The following POLR3D variants were observed in gnomAD, a reference collection of about 807,000 sequenced individuals.
POLR3D encodes DNA-directed RNA polymerase III subunit RPC4.
A neutral mutation model predicts 44.5 loss-of-function variants in POLR3D; 42 were observed. The ratio of observed to expected loss-of-function variants is 0.94; its 90% confidence interval spans 0.74 to 1.22. The LOEUF is 1.22. Among genes scored for constraint, POLR3D ranks in the 50% most tolerant of loss-of-function variants. The pLI, the probability that POLR3D is intolerant of heterozygous loss-of-function variation, is 0.00. For missense variants in POLR3D, 507 were observed against 505.2 expected, an observed-to-expected ratio of 1.00 and a Z score of -0.03; for synonymous variants, 217 against 198.1, an observed-to-expected ratio of 1.10 and a Z score of -0.80.
rs747996844 is a variant in POLR3D at position 22,250,399 on chromosome 8, C to T, written c.1078C>T (p.Leu360=). ...CACTGTCTCTGTTAATTGGCAGGAG[C>T]TGGTGTCCGTGGGCCTTGGAGACAG... The part of the protein sequence containing the change: ...MGTACSFLQE[L]VSVGLGDSRT... The change falls in exon 9 of 9, where the codon CTG becomes TTG. Residue 360 remains leucine (L), a synonymous_variant. Transcript: ENST00000306433. 1 of 1,614,200 alleles carries T rather than the reference C, an allele frequency of 6.2e-7. No homozygotes were observed. The highest frequency in any genetic ancestry group is 8.5e-7 in the Non-Finnish European group (1 of 1,180,032).
rs1433521469 is a variant in POLR3D at position 22,251,771 on chromosome 8, C to T, written c.*1253C>T. 6.6e-6 allele frequency: 1 copy of T among 152,294 alleles called. No individual in the cohort carries two copies. The highest frequency in any genetic ancestry group is 1.5e-5 in the Non-Finnish European group (1 of 68,088). The allele number at this position is 152,294 out of a possible 1,614,324, so 9.4% of individuals were successfully genotyped here. On this transcript the variant is annotated 3_prime_UTR_variant, in exon 9 of 9. Coordinates refer to ENST00000306433, the MANE Select transcript of POLR3D (RefSeq NM_001722.3). ...TTCTCCTCTTGTCTTGACAGTAGGGCTGGGGTTTTCCCTGGTTCAGCTGGG... is the reference window on the plus strand; with the variant it reads ...TTCTCCTCTTGTCTTGACAGTAGGGTTGGGGTTTTCCCTGGTTCAGCTGGG...
At position 22,251,906 on chromosome 8, in the gene POLR3D, G is replaced by A. The variant is rs77552336; in HGVS notation, c.*1388G>A. On this transcript the variant is annotated 3_prime_UTR_variant, in exon 9 of 9. Transcript: ENST00000306433. Reference sequence around the variant, plus strand: ...GTCGTGGCACCTGGCCTCTGGGACAGTATGAACCATAGGGGCTCAGGAAGA... The same window carrying A: ...GTCGTGGCACCTGGCCTCTGGGACAATATGAACCATAGGGGCTCAGGAAGA... 0.059 allele frequency: 8,923 copies of A among 152,514 alleles called. 317 individuals are homozygous for A. The highest frequency in any genetic ancestry group is 0.09 in the Admixed American group (1,369 of 15,278). The allele number at this position is 152,514 out of a possible 1,614,324, so 9.4% of individuals were successfully genotyped here. A position where few individuals can be genotyped will look rare whatever the true frequency, so the allele number is the denominator to read the frequency against.
At position 22,247,248 on chromosome 8, in the gene POLR3D, C is replaced by T; in HGVS notation, c.193C>T (p.Arg65Trp). The change falls in exon 3 of 9, where the codon CGG becomes TGG. Residue 65 changes from arginine to tryptophan, a missense_variant. By Grantham distance (101) the Arg-to-Trp change is moderately radical. Coordinates refer to ENST00000306433, the MANE Select transcript of POLR3D (RefSeq NM_001722.3). ...KKTFTPNIIS[R>W]KIKEEPKEEV... is the part of the protein sequence containing the mutation. ...AACCTTCACCCCAAATATCATCAGT[C>T]GGAAGATCAAGGAAGAGTAAGTAGC... 1.2e-6 allele frequency: 2 copies of T among 1,613,262 alleles called. No homozygotes were observed. Among genetic ancestry groups the T allele is most frequent in the Non-Finnish European group, 1.7e-6 (2 of 1,179,338 alleles).
chr8:22,248,679 A>T (rs369793300), intron 6 of POLR3D, 30 bp downstream of exon 6: 1 of 1,592,792 alleles, frequency 6.3e-7, no homozygotes, highest in Non-Finnish European at 8.6e-7. Flanking sequence ...CTCATCTCCA[A>T]TTCCATGGCT....
intron 7 of POLR3D, among the ~76,000 whole-genome samples, chr8:22,249,805 G>A (rs1323622300): frequency 6.6e-6 from 1 of 152,206 alleles, no homozygotes; most frequent in Non-Finnish European, 1.5e-5. Context: ...CTTGGCGACA[G>A]AGTCAGACCT....
In POLR3D at chr8:22,245,439, T is replaced by A. The variant is rs763291727; in HGVS notation, c.-5-6T>A. 6.9e-6 allele frequency: 9 copies of A among 1,309,010 alleles called. No homozygotes were observed. Among genetic ancestry groups the A allele is most frequent in the Middle Eastern group, 3.0e-4 (1 of 3,360 alleles). 81.1% of individuals were successfully genotyped at this position (1,309,010 alleles called of 1,614,324 possible). ...TCTGGTGATCTCGTCGCCCCTTCTCTCCCAGGCAACATGTCGGAAGGAAAC... is the reference window on the plus strand; with the variant it reads ...TCTGGTGATCTCGTCGCCCCTTCTCACCCAGGCAACATGTCGGAAGGAAAC... On this transcript the variant is annotated splice_polypyrimidine_tract_variant and splice_region_variant and intron_variant, in intron 1 of 8. Coordinates refer to ENST00000306433, the MANE Select transcript of POLR3D (RefSeq NM_001722.3).
At chr8:22,250,307 G>A in intron 8 of POLR3D, 80 bp downstream of exon 8, 6 of 1,608,914 alleles carry the variant, frequency 3.7e-6, no homozygotes, top group South Asian at 2.2e-5. Context: ...ATAAGGGAGG[G>A]GGTTTCTGGG....
At position 22,247,864 on chromosome 8, in the gene POLR3D, G is replaced by A. The variant is rs547194039; in HGVS notation, c.217G>A (p.Glu73Lys). 20 of 1,612,920 alleles carry A rather than the reference G, an allele frequency of 1.2e-5. No individual in the cohort carries two copies. Among genetic ancestry groups the A allele is most frequent in the Non-Finnish European group, 1.6e-5 (19 of 1,179,718 alleles). Residue 73 changes from glutamate to lysine, a missense_variant, in exon 4 of 9, where the codon GAA (glutamate) becomes AAA (lysine). Glu to Lys is a moderately conservative substitution (Grantham distance 56, BLOSUM62 1). Transcript: ENST00000306433. ...ATCCATTCTTTTTTCCAGGCCCAAG[G>A]AAGAAGTAACTGTCAAGAAGGAGAA... ...ISRKIKEEPKEEVTVKKEKRE... is the reference protein window; with the variant it reads ...ISRKIKEEPKKEVTVKKEKRE...
intron 8 of POLR3D, 46 bp from the exon 9 acceptor site, chr8:22,250,350 C>T (rs374398607): frequency 3.2e-4 from 519 of 1,612,974 alleles, no homozygotes; most frequent in Middle Eastern, 4.9e-4. Flanking sequence ...CTCTACACGC[C>T]GGGCACGTGG....
chr8:22,245,698 CTG>C, intron 2 of POLR3D, 84 bp downstream of exon 2: 1 of 1,003,562 alleles, frequency 1.0e-6, no homozygotes, highest in East Asian at 3.3e-5. Flanking sequence ...GTAGGACCTA[CTG>C]TGTGTCAGGA....
chr8:22,245,653 T>C (rs776955067), intron 2 of POLR3D, 39 bp downstream of exon 2: 1 of 1,224,300 alleles, frequency 8.2e-7, no homozygotes, highest in Non-Finnish European at 1.0e-6. Context: ...TCAACTACCT[T>C]GAATTCCAAG....
chr8:22,246,324 T>C (rs1219684167), intron 2 of POLR3D, among the ~76,000 whole-genome samples: 1 of 150,104 alleles, frequency 6.7e-6, no homozygotes, highest in East Asian at 2.0e-4. Flanking sequence ...CACAGGGTTT[T>C]GCCATGTTGG....
Position 22,248,896 on chromosome 8 carries a change from G to T in POLR3D, c.656-148G>T. 3 of 915,670 alleles carry T rather than the reference G, an allele frequency of 3.3e-6. No individual in the cohort carries two copies. The South Asian group carries it at 4.9e-5, about 15-fold the overall frequency. 56.7% of individuals were successfully genotyped at this position (915,670 alleles called of 1,614,324 possible). A position where few individuals can be genotyped will look rare whatever the true frequency, so the allele number is the denominator to read the frequency against. ...GATAAGTCATGTGAGACTTGAACGT[G>T]TTGTCTCTTGCCCCTCTGTATAACT... On this transcript the variant is annotated intron_variant, in intron 6 of 8. Coordinates refer to ENST00000306433, the MANE Select transcript of POLR3D (RefSeq NM_001722.3).
intron 5 of POLR3D, 96 bp from the exon 6 acceptor site, chr8:22,248,385 G>C (rs1830064913): frequency 1.3e-6 from 2 of 1,571,328 alleles, no homozygotes; most frequent in Non-Finnish European, 1.7e-6. Flanking sequence ...TGGAATCCTG[G>C]GGAGCAGCGG....
Position 22,250,558 on chromosome 8 carries a change from T to C in POLR3D, c.*40T>C, listed in dbSNP as rs772290911. On this transcript the variant is annotated 3_prime_UTR_variant, in exon 9 of 9. Transcript: ENST00000306433. ...GGAGGACGGCGCCTGTGCCCACGGC[T>C]GCTGCCTGCTCCAGACATTTTGTTC... is the stretch of plus-strand genomic sequence containing the variant. 6 of 1,613,026 alleles carry C rather than the reference T, an allele frequency of 3.7e-6. No homozygotes were observed. Among genetic ancestry groups the C allele is most frequent in the Non-Finnish European group, 5.1e-6 (6 of 1,179,394 alleles).
rs542061996 is a variant in POLR3D, at chr8:22,247,534, C to T, written c.209+270C>T. 1.6e-4 allele frequency among the ~76,000 whole-genome samples: 25 copies of T among 152,182 alleles called. 1 individual carries two copies. In the South Asian group the frequency reaches 2.5e-3, roughly 15 times the overall value. On this transcript the variant is annotated intron_variant, in intron 3 of 8. Transcript: ENST00000306433. The stretch of plus-strand genomic sequence containing the variant: ...GAATGGAGTGATTCTCTTTGTTGCC[C>T]GAGTTGAGAGCCAATAGTTTAAACA...
intron 2 of POLR3D, among the ~76,000 whole-genome samples, chr8:22,246,362 G>A (rs1422399493): frequency 3.9e-5 from 6 of 151,998 alleles, no homozygotes; most frequent in South Asian, 2.1e-4. Context: ...CCCTGACCTC[G>A]TGATCCGCCC....
intron 2 of POLR3D, among the ~76,000 whole-genome samples, chr8:22,246,342 G>C (rs1257242672): frequency 6.6e-6 from 1 of 152,006 alleles, no homozygotes; most frequent in East Asian, 1.9e-4. Flanking sequence ...TGGCCAGGCT[G>C]TTCTTGAACC....
In POLR3D at chr8:22,245,488, G is replaced by A. The variant is rs202033940; in HGVS notation, c.39G>A (p.Pro13=). The change falls in exon 2 of 9, where the codon CCG becomes CCA. Residue 13 remains proline (P), a synonymous_variant. Coordinates refer to ENST00000306433, the MANE Select transcript of POLR3D (RefSeq NM_001722.3). ...EGNAAGEPST[P]GGPRPLLTGA... ...ACGCCGCCGGCGAGCCCAGCACGCC[G>A]GGAGGGCCCCGACCTCTCCTGACTG... 8.2e-5 allele frequency: 107 copies of A among 1,306,750 alleles called. No homozygotes were observed. Among genetic ancestry groups the A allele is most frequent in the Admixed American group, 5.2e-4 (17 of 32,458 alleles). 80.9% of individuals were successfully genotyped at this position (1,306,750 alleles called of 1,614,324 possible). A position where few individuals can be genotyped will look rare whatever the true frequency, so the allele number is the denominator to read the frequency against.
Sources: allele counts gnomAD v4.1 joint callset (sites outside exome capture counted in the v4.1 genomes callset), GRCh38; gene constraint gnomAD v4.1.1; transcripts MANE v1.5; gene names NCBI Gene and HGNC (gene_info 2026-07-23, HGNC 2026-07-21).